The following HS3ST1 variants were observed in gnomAD, a reference collection of about 807,000 sequenced individuals.
HS3ST1 encodes the protein heparan sulfate-glucosamine 3-sulfotransferase 1, also known as heparan sulfate glucosamine 3-O-sulfotransferase 1.
Under a neutral mutation model 20.7 loss-of-function variants are expected in HS3ST1, and 8 were observed. The observed-to-expected ratio is 0.39, with a 90% CI of 0.23 to 0.70. The LOEUF is 0.70. HS3ST1 is among the 30% of genes least tolerant of loss of function. The pLI is 0.46. For synonymous variants in HS3ST1, 205 were observed against 190.4 expected (o/e 1.08, Z -0.63); for missense variants, 436 against 423.4 (o/e 1.03, Z -0.26).
intron 1 of HS3ST1, among the ~76,000 whole-genome samples, chr4:11,412,024 G>C (rs1718651153): frequency 6.6e-6 from 1 of 152,214 alleles, no homozygotes; most frequent in African/African-American, 2.4e-5. Context: ...CTGTTAAAGA[G>C]TGGGGCTGGC....
At position 11,398,443 on chromosome 4, in the gene HS3ST1, G is replaced by A. The variant is rs1395105968; in HGVS notation, c.*639C>T. 6.6e-6 allele frequency: 1 copy of A among 152,238 alleles called. No individual in the cohort carries two copies. Among genetic ancestry groups the A allele is most frequent in the African/African-American group, 2.4e-5 (1 of 41,444 alleles). 9.4% of individuals were successfully genotyped at this position (152,238 alleles called of 1,614,324 possible). On this transcript the variant is annotated 3_prime_UTR_variant, in exon 2 of 2. Transcript: ENST00000002596. Reference sequence around the variant, plus strand: ...GCAAATATTCTTTGAGGTCAAGATGGATCCCAAGAGACCTCTAGCCAGTCA... The same window carrying A: ...GCAAATATTCTTTGAGGTCAAGATGAATCCCAAGAGACCTCTAGCCAGTCA...
At chr4:11,426,461 G>C in intron 1 of HS3ST1, among the ~76,000 whole-genome samples, 1 of 151,680 alleles carries the variant, frequency 6.6e-6, no homozygotes, top group East Asian at 1.9e-4. Flanking sequence ...CCAGGGGGGG[G>C]GCTTGAGGCT....
At chr4:11,425,657 C>A (rs1719042342) in intron 1 of HS3ST1, among the ~76,000 whole-genome samples, 1 of 152,164 alleles carries the variant, frequency 6.6e-6, no homozygotes, top group Non-Finnish European at 1.5e-5. Context: ...TAAAATAGAT[C>A]TACGATAAAA....
chr4:11,426,494 A>T (rs747070987), intron 1 of HS3ST1, among the ~76,000 whole-genome samples: 1 of 152,096 alleles, frequency 6.6e-6, no homozygotes, highest in African/African-American at 2.4e-5. Flanking sequence ...TAACCACAGG[A>T]AAGTAAAGAA....
At chr4:11,428,283 C>T (rs1165913336) in intron 1 of HS3ST1, among the ~76,000 whole-genome samples, 3 of 152,182 alleles carry the variant, frequency 2.0e-5, no homozygotes, top group Admixed American at 6.5e-5. Flanking sequence ...GTGTCCTCGC[C>T]CCAGTTTCTG....
rs1459315322 is a variant in HS3ST1 at position 11,399,822 on chromosome 4, C to T, written c.184G>A (p.Val62Met). The T allele has an allele frequency of 1.2e-6, 2 of 1,612,854 alleles. No individual in the cohort carries two copies. Among genetic ancestry groups the T allele is most frequent in the African/African-American group, 1.3e-5 (1 of 74,944 alleles). The change falls in exon 2 of 2, where the codon GTG becomes ATG. Residue 62 changes from valine to methionine, a missense_variant. Physicochemically the swap from Val to Met is conservative, Grantham distance 21. Transcript: ENST00000002596. The surrounding 1 kb of genome is among the most constrained non-coding windows in gnomAD (Gnocchi z 5.1). ...QQLPQTIIIG[V>M]RKGGTRALLE... ...AGTGCGCGCGTGCCGCCCTTGCGCA[C>T]GCCGATGATGATGGTCTGCGGCAAC...
Position 11,399,759 on chromosome 4 carries a change from C to T in HS3ST1, c.247G>A (p.Ala83Thr), listed in dbSNP as rs759091254. 8.7e-6 allele frequency: 14 copies of T among 1,613,628 alleles called. No homozygotes were observed. Among genetic ancestry groups the T allele is most frequent in the African/African-American group, 2.7e-5 (2 of 74,958 alleles). Residue 83 changes from alanine to threonine, a missense_variant, in exon 2 of 2, where the codon GCG becomes ACG. Physicochemically the swap from Ala to Thr is moderately conservative, Grantham distance 58 (BLOSUM62 0). Transcript: ENST00000002596. The surrounding 1 kb of genome is among the most constrained non-coding windows in gnomAD (Gnocchi z 5.1). ...MLSLHPDVAA[A>T]ENEVHFFDWE... ...TCGAAGAAGTGGACCTCGTTCTCCG[C>T]GGCCGCCACGTCGGGGTGCAGGCTG...
intron 1 of HS3ST1, among the ~76,000 whole-genome samples, chr4:11,415,135 A>C (rs1030392205): frequency 1.3e-5 from 2 of 152,214 alleles, no homozygotes; most frequent in African/African-American, 4.8e-5. Flanking sequence ...AGGAAAGTTC[A>C]GGGGTCTGGT....
chr4:11,415,109 A>G (rs1222132532), intron 1 of HS3ST1, among the ~76,000 whole-genome samples: 1 of 152,224 alleles, frequency 6.6e-6, no homozygotes, highest in Non-Finnish European at 1.5e-5. Flanking sequence ...AATATGCTTC[A>G]TGGAGAAGGC....
intron 1 of HS3ST1, among the ~76,000 whole-genome samples, chr4:11,403,095 T>C (rs768359143): frequency 7.2e-5 from 11 of 152,228 alleles, no homozygotes; most frequent in Non-Finnish European, 1.3e-4. Flanking sequence ...CGCACACATA[T>C]ACATACACAC....
rs969294125 is a variant in HS3ST1 at position 11,394,687 on chromosome 4, C to T, written c.*4395G>A. 1.3e-5 allele frequency: 2 copies of T among 152,234 alleles called. No homozygotes were observed. Among genetic ancestry groups the T allele is most frequent in the Non-Finnish European group, 2.9e-5 (2 of 68,050 alleles). 9.4% of individuals were successfully genotyped at this position (152,234 alleles called of 1,614,324 possible). A position where few individuals can be genotyped will look rare whatever the true frequency, so the allele number is the denominator to read the frequency against. ...ATAGACAGATGCATATGCTTTATATCTTCCTCCACTTACCCACAAATAGAT... is the reference window on the plus strand; with the variant it reads ...ATAGACAGATGCATATGCTTTATATTTTCCTCCACTTACCCACAAATAGAT... On this transcript the variant is annotated 3_prime_UTR_variant, in exon 2 of 2. Transcript: ENST00000002596.
At chr4:11,400,832 C>T (rs1043049714) in intron 1 of HS3ST1, among the ~76,000 whole-genome samples, 2 of 152,214 alleles carry the variant, frequency 1.3e-5, no homozygotes, top group African/African-American at 4.8e-5. Context: ...ACGTATCAGT[C>T]CCCAGCCTGG....
chr4:11,424,094 C>T (rs1294345057), intron 1 of HS3ST1, among the ~76,000 whole-genome samples: 10 of 151,658 alleles, frequency 6.6e-5, no homozygotes, highest in East Asian at 1.9e-4. Context: ...CCTGAAGTCC[C>T]GCCTGCAGCC....
At chr4:11,403,092 A>G (rs1230978433) in intron 1 of HS3ST1, among the ~76,000 whole-genome samples, 1 of 152,252 alleles carries the variant, frequency 6.6e-6, no homozygotes, top group Non-Finnish European at 1.5e-5. Flanking sequence ...ATACGCACAC[A>G]TATACATACA....
At chr4:11,422,447 C>T (rs193041612) in intron 1 of HS3ST1, among the ~76,000 whole-genome samples, 14 of 152,296 alleles carry the variant, frequency 9.2e-5, no homozygotes, top group African/African-American at 4.8e-5. Flanking sequence ...GATAAACATA[C>T]TTGCTACCTA....
Position 11,399,970 on chromosome 4 carries a change from C to A in HS3ST1, c.36G>T (p.Val12=). 1 of 1,546,966 alleles carries A rather than the reference C, an allele frequency of 6.5e-7. No individual in the cohort carries two copies. The highest frequency in any genetic ancestry group is 8.7e-7 in the Non-Finnish European group (1 of 1,150,968). The change falls in exon 2 of 2, where the codon GTG becomes GTT. Residue 12 remains valine, a synonymous_variant. Transcript: ENST00000002596. The surrounding 1 kb of genome is among the most constrained non-coding windows in gnomAD (Gnocchi z 5.1). Reference sequence around the variant, plus strand: ...GGGAAGGCACTAGCTGGGGCTGGGCCACCAGCAGCACCGCGCCCAGGAGCA... The same window carrying A: ...GGGAAGGCACTAGCTGGGGCTGGGCAACCAGCAGCACCGCGCCCAGGAGCA... ...AALLLGAVLL[V]AQPQLVPSRP...
At chr4:11,422,179 C>T (rs1322426059) in intron 1 of HS3ST1, among the ~76,000 whole-genome samples, 6 of 152,180 alleles carry the variant, frequency 3.9e-5, no homozygotes, top group Non-Finnish European at 8.8e-5. Context: ...GGTTTGAGGG[C>T]TATGCAATTT....
At chr4:11,402,541 A>G (rs1218370104) in intron 1 of HS3ST1, among the ~76,000 whole-genome samples, 3 of 152,152 alleles carry the variant, frequency 2.0e-5, no homozygotes, top group Non-Finnish European at 4.4e-5. Flanking sequence ...ATGCAATTGT[A>G]TGTGCATGCT....
intron 1 of HS3ST1, among the ~76,000 whole-genome samples, chr4:11,408,487 C>T (rs1454199153): frequency 6.6e-6 from 1 of 152,182 alleles, no homozygotes; most frequent in Non-Finnish European, 1.5e-5. Context: ...AATAATTTAG[C>T]TCTCTGTAGA....
Sources: gnomAD v4.1 joint callset for allele counts (sites outside exome capture counted in the v4.1 genomes callset) on GRCh38, gnomAD v4.1.1 for gene constraint, Gnocchi (gnomAD v3.1) non-coding constraint, MANE v1.5 for transcripts, NCBI Gene and HGNC (gene_info 2026-07-23, HGNC 2026-07-21) for gene names.